The following MTUS2 variants were observed in gnomAD, a reference collection of about 807,000 sequenced individuals.
MTUS2 encodes microtubule associated scaffold protein 2.
A neutral mutation model predicts 114.1 loss-of-function variants in MTUS2; 40 were observed. That is an observed-to-expected ratio of 0.35 (90% CI 0.27 to 0.46). The LOEUF (loss-of-function observed/expected upper bound fraction) is 0.46. MTUS2 is among the 20% of genes least tolerant of loss of function. The pLI is 1.00. For synonymous variants in MTUS2, 688 were observed against 672.0 expected (o/e 1.02, Z -0.37); for missense variants, 1,679 against 1,705.4 (o/e 0.98, Z 0.27).
chr13:28,891,096 T>C (rs1157908098), intron 2 of MTUS2, among the ~76,000 whole-genome samples: 1 of 152,192 alleles, frequency 6.6e-6, no homozygotes, highest in African/African-American at 2.4e-5. Context: ...AAGTCAGCCC[T>C]TTGCAGGGAA....
chr13:29,079,496 T>C (rs1889347103), intron 4 of MTUS2, among the ~76,000 whole-genome samples: 1 of 152,224 alleles, frequency 6.6e-6, no homozygotes, highest in Non-Finnish European at 1.5e-5. Flanking sequence ...GCTAATCTGG[T>C]GTCATCAAGA....
intron 5 of MTUS2, among the ~76,000 whole-genome samples, chr13:29,232,722 T>G (rs1421753462): frequency 6.6e-6 from 1 of 152,208 alleles, no homozygotes; most frequent in Non-Finnish European, 1.5e-5. Flanking sequence ...GAGTTAGTAC[T>G]GTCTGGGTTT....
intron 8 of MTUS2, among the ~76,000 whole-genome samples, chr13:29,424,436 A>G (rs1215393196): frequency 6.6e-6 from 1 of 152,226 alleles, no homozygotes; most frequent in Non-Finnish European, 1.5e-5. Context: ...GCAAAAAGAC[A>G]AAAATAATCA....
chr13:29,491,862 T>C (rs534932614), intron 11 of MTUS2, among the ~76,000 whole-genome samples: 2 of 140,886 alleles, frequency 1.4e-5, no homozygotes, highest in East Asian at 4.3e-4. Context: ...ATGTGCCATG[T>C]ATGTGATGTG....
intron 2 of MTUS2, among the ~76,000 whole-genome samples, chr13:28,868,410 C>G (rs114733051): frequency 6.6e-6 from 1 of 152,100 alleles, no homozygotes; most frequent in African/African-American, 2.4e-5. Flanking sequence ...GCTGGGTTGG[C>G]GCCACAGCCT....
In MTUS2 at chr13:29,033,937, A is replaced by G; in HGVS notation, c.2258A>G (p.Tyr753Cys). 1 of 1,613,986 alleles carries G rather than the reference A, an allele frequency of 6.2e-7. No homozygotes were observed. The highest frequency in any genetic ancestry group is 2.2e-5 in the East Asian group (1 of 44,882). ...EEFCSPPYAH[Y>C]EVPPTFYRSA... ...TTTTGTTCTCCTCCCTATGCTCATT[A>G]TGAAGTCCCTCCAACTTTCTATCGG... The change falls in exon 4 of 16, where the codon TAT (tyrosine) becomes TGT (cysteine). Residue 753 changes from tyrosine (Y) to cysteine (C), a missense_variant. Physicochemically the swap from Tyr to Cys is radical, Grantham distance 194. Coordinates refer to ENST00000612955, the MANE Select transcript of MTUS2 (RefSeq NM_001033602.4).
At chr13:28,955,433 G>C (rs1392362332) in intron 2 of MTUS2, among the ~76,000 whole-genome samples, 2 of 152,194 alleles carry the variant, frequency 1.3e-5, no homozygotes, top group East Asian at 3.8e-4. Flanking sequence ...AGCCAGATGG[G>C]AATGTGGTGG....
At chr13:29,046,963 T>C (rs1450330373) in intron 4 of MTUS2, among the ~76,000 whole-genome samples, 1 of 152,078 alleles carries the variant, frequency 6.6e-6, no homozygotes, top group Non-Finnish European at 1.5e-5. Context: ...CCCCAGCCAA[T>C]GGGGAAAGGG....
At chr13:29,315,740 C>G (rs1256385792) in intron 6 of MTUS2, among the ~76,000 whole-genome samples, 1 of 152,080 alleles carries the variant, frequency 6.6e-6, no homozygotes, top group Non-Finnish European at 1.5e-5. Flanking sequence ...GTAAAGGAAT[C>G]TGGTGTAAAC....
Position 29,398,336 on chromosome 13 carries a change from C to G in MTUS2, c.3117+38863C>G, listed in dbSNP as rs141207897. Among the ~76,000 whole-genome samples the G allele has an allele frequency of 3.3e-5, 5 of 152,138 alleles. No individual in the cohort carries two copies. In the East Asian group the frequency reaches 9.7e-4, roughly 29 times the overall value. ...TTTAGCCAGGCGTGGTGGCAGATGT[C>G]TGTAATCCCAGCTACTTGGGAGGCT... On this transcript the variant is annotated intron_variant, in intron 8 of 15. Transcript: ENST00000612955.
intron 5 of MTUS2, among the ~76,000 whole-genome samples, chr13:29,269,537 C>T (rs1013018648): frequency 6.6e-6 from 1 of 152,120 alleles, no homozygotes; most frequent in Non-Finnish European, 1.5e-5. Flanking sequence ...TAGGATGGCT[C>T]TTATTAAAAG....
At position 29,190,650 on chromosome 13, in the gene MTUS2, C is replaced by T. The variant is rs138770360; in HGVS notation, c.2644+89680C>T. Among the ~76,000 whole-genome samples the T allele has an allele frequency of 1.4e-4, 21 of 151,044 alleles. No homozygotes were observed. The East Asian group carries it at 4.0e-3, about 28-fold the overall frequency. On this transcript the variant is annotated intron_variant, in intron 5 of 15. Transcript: ENST00000612955. ...GTGTTAGTTAGGTGTGGTGCACTGA[C>T]TGAACTGTGTAGAGAGAAGACGTAC... is the stretch of plus-strand genomic sequence containing the variant.
At chr13:29,151,231 T>C (rs1458324543) in intron 5 of MTUS2, among the ~76,000 whole-genome samples, 1 of 152,182 alleles carries the variant, frequency 6.6e-6, no homozygotes, top group Non-Finnish European at 1.5e-5. Context: ...GAGTGTTTTG[T>C]AGTCTCCTTT....
rs746202362 is a variant in MTUS2, at chr13:29,503,172, C to T, written c.4076C>T (p.Ser1359Phe). ...PVYRGSSSGP[S>F]SPARVSTTPR The stretch of plus-strand genomic sequence containing the variant: ...TACCGCGGCTCCTCCTCGGGGCCCT[C>T]CTCTCCGGCCAGAGTCAGCACAACA... The change falls in exon 16 of 16, where the codon TCC becomes TTC. Residue 1359 changes from serine to phenylalanine, a missense_variant. Transcript: ENST00000612955. 9 of 1,614,088 alleles carry T rather than the reference C, an allele frequency of 5.6e-6. No individual in the cohort carries two copies. The Admixed American group carries it at 1.5e-4, about 27-fold the overall frequency.
chr13:29,173,160 T>C (rs1893632189), intron 5 of MTUS2, among the ~76,000 whole-genome samples: 1 of 152,208 alleles, frequency 6.6e-6, no homozygotes, highest in Non-Finnish European at 1.5e-5. Context: ...TTTGGTATGT[T>C]AAAATCAATA....
intron 2 of MTUS2, among the ~76,000 whole-genome samples, chr13:28,910,807 G>GTCTTTGCT (rs1880371037): frequency 7.5e-6 from 1 of 134,096 alleles, no homozygotes; most frequent in Non-Finnish European, 1.6e-5. Context: ...TTGATTCCAT[G>GTCTTTGCT]TCTTTGCTAT....
intron 9 of MTUS2, among the ~76,000 whole-genome samples, chr13:29,459,173 C>A (rs561775198): frequency 1.3e-5 from 2 of 152,270 alleles, no homozygotes; most frequent in Non-Finnish European, 2.9e-5. Context: ...AGTGGGGAAG[C>A]CATTTTGGTT....
At chr13:28,999,036 C>G (rs1885257335) in intron 2 of MTUS2, among the ~76,000 whole-genome samples, 1 of 152,142 alleles carries the variant, frequency 6.6e-6, no homozygotes, top group Non-Finnish European at 1.5e-5. Context: ...TACCTTTGGT[C>G]TTTGATGATG....
intron 2 of MTUS2, among the ~76,000 whole-genome samples, chr13:29,016,345 G>T (rs1314030348): frequency 2.0e-5 from 3 of 150,558 alleles, no homozygotes; most frequent in Non-Finnish European, 4.4e-5. Context: ...TTCTCCCCTG[G>T]AAAGGACTTT....
Sources: allele counts gnomAD v4.1 joint callset (sites outside exome capture counted in the v4.1 genomes callset), GRCh38; gene constraint gnomAD v4.1.1; transcripts MANE v1.5; gene names NCBI Gene and HGNC (gene_info 2026-07-23, HGNC 2026-07-21).